CADM1: variants seen among roughly 807,000 people sequenced by gnomAD.
CADM1 encodes TSLC-1.
In CADM1, 15 loss-of-function variants were observed where a neutral mutation model predicts 53.1. The ratio of observed to expected loss-of-function variants is 0.28; its 90% CI spans 0.19 to 0.44. The LOEUF (loss-of-function observed/expected upper bound fraction) is 0.44. Ranked by LOEUF, CADM1 falls within the 20% of genes least tolerant of loss-of-function variation. The pLI is 1.00. For missense variants in CADM1, 434 were observed against 611.3 expected, an observed-to-expected ratio of 0.71 and a Z score of 3.06; for synonymous variants, 281 against 243.0, an observed-to-expected ratio of 1.16 and a Z score of -1.45.
intron 1 of CADM1, among the ~76,000 whole-genome samples, chr11:115,429,649 G>C (rs949231480): frequency 6.6e-6 from 1 of 151,524 alleles, no homozygotes; most frequent in Non-Finnish European, 1.5e-5. Flanking sequence ...ATCAAACATT[G>C]TTTTTCAAAG....
At chr11:115,337,657 AT>A (rs1032833962) in intron 1 of CADM1, among the ~76,000 whole-genome samples, 113 of 152,034 alleles carry the variant, frequency 7.4e-4, no homozygotes, top group African/African-American at 2.7e-3. Flanking sequence ...TTATACATAT[AT>A]TTTTTTCTTT....
chr11:115,356,558 C>T (rs2135078488), intron 1 of CADM1, among the ~76,000 whole-genome samples: 1 of 152,066 alleles, frequency 6.6e-6, no homozygotes, highest in Admixed American at 6.5e-5. Flanking sequence ...AATGACAGGT[C>T]TAATGAAATC....
intron 1 of CADM1, among the ~76,000 whole-genome samples, chr11:115,326,739 G>C (rs1295662349): frequency 4.6e-5 from 7 of 152,074 alleles, no homozygotes; most frequent in Admixed American, 1.3e-4. Flanking sequence ...GCATGCTTCT[G>C]CCTGCTAACA....
rs118046227 is a variant in CADM1, at chr11:115,254,169, C to T, written c.125-13749G>A. Among the ~76,000 whole-genome samples the T allele has an allele frequency of 4.9e-4, 74 of 152,098 alleles. No homozygotes were observed. In the East Asian group the frequency reaches 0.013, roughly 27 times the overall value. On this transcript the variant is annotated intron_variant, in intron 1 of 11. Coordinates refer to ENST00000331581, the MANE Select transcript of CADM1 (RefSeq NM_001301043.2). ...CACTATCTTAATCATCTTTGTATCT[C>T]GAAAGCATAATACAGTATTGGCTAA...
At chr11:115,195,086 C>G (rs921184581) in intron 9 of CADM1, among the ~76,000 whole-genome samples, 2 of 152,208 alleles carry the variant, frequency 1.3e-5, no homozygotes, top group Admixed American at 1.3e-4. Context: ...GCTCAAGATC[C>G]TTATTCAAAG....
intron 3 of CADM1, 109 bp downstream of exon 3, chr11:115,238,391 T>A (rs915962091): frequency 3.2e-6 from 4 of 1,231,264 alleles, no homozygotes; most frequent in South Asian, 2.4e-5. Flanking sequence ...CGGTGATTCT[T>A]CCTGAAACAA....
At chr11:115,428,065 A>C (rs1251251293) in intron 1 of CADM1, among the ~76,000 whole-genome samples, 1 of 151,994 alleles carries the variant, frequency 6.6e-6, no homozygotes. Flanking sequence ...ACAACTAAAG[A>C]AAATATGTCT....
intron 1 of CADM1, among the ~76,000 whole-genome samples, chr11:115,367,800 T>C (rs1946204017): frequency 6.6e-6 from 1 of 152,070 alleles, no homozygotes; most frequent in South Asian, 2.1e-4. Context: ...TCTCCAGAAG[T>C]AGATACTTTA....
At position 115,259,205 on chromosome 11, in the gene CADM1, C is replaced by T. The variant is rs184061898; in HGVS notation, c.125-18785G>A. 6.0e-4 allele frequency among the ~76,000 whole-genome samples: 90 copies of T among 150,606 alleles called. 2 individuals are homozygous for T. In the East Asian group the frequency reaches 0.012, roughly 21 times the overall value. On this transcript the variant is annotated intron_variant, in intron 1 of 11. Coordinates refer to ENST00000331581, the MANE Select transcript of CADM1 (RefSeq NM_001301043.2). Reference sequence around the variant, plus strand: ...TTCACAATGTTGGCCAGGCTGGTCTCGAACTCCTGGCCTCAAGTGATCTGC... The same window carrying T: ...TTCACAATGTTGGCCAGGCTGGTCTTGAACTCCTGGCCTCAAGTGATCTGC...
At chr11:115,403,162 A>G (rs1419970204) in intron 1 of CADM1, among the ~76,000 whole-genome samples, 1 of 152,210 alleles carries the variant, frequency 6.6e-6, no homozygotes, top group Non-Finnish European at 1.5e-5. Context: ...GACACAAATC[A>G]CATTCTTGCA....
chr11:115,350,296 A>T (rs1272472064), intron 1 of CADM1, among the ~76,000 whole-genome samples: 1 of 152,202 alleles, frequency 6.6e-6, no homozygotes, highest in Non-Finnish European at 1.5e-5. Context: ...AACATTAAAG[A>T]TGTATAGCCT....
intron 1 of CADM1, among the ~76,000 whole-genome samples, chr11:115,354,510 T>C (rs1212896872): frequency 1.3e-5 from 2 of 152,124 alleles, no homozygotes; most frequent in Admixed American, 1.3e-4. Context: ...TACTGAGCCT[T>C]GATGACGGAC....
chr11:115,247,480 T>C (rs1218083355), intron 1 of CADM1, among the ~76,000 whole-genome samples: 1 of 152,242 alleles, frequency 6.6e-6, no homozygotes. Flanking sequence ...CCATCCTTCA[T>C]CCACCCTTTG....
At chr11:115,447,658 C>T (rs1472366509) in intron 1 of CADM1, among the ~76,000 whole-genome samples, 4 of 152,212 alleles carry the variant, frequency 2.6e-5, no homozygotes, top group Non-Finnish European at 4.4e-5. Flanking sequence ...TTCCCCAGTG[C>T]CTGGATCCTG....
chr11:115,439,438 G>C (rs1457242614), intron 1 of CADM1, among the ~76,000 whole-genome samples: 5 of 152,174 alleles, frequency 3.3e-5, no homozygotes, highest in Non-Finnish European at 7.3e-5. Flanking sequence ...TTGCCTCCTA[G>C]TTCCTCTATC....
At chr11:115,185,065 G>A (rs1939481002) in intron 10 of CADM1, among the ~76,000 whole-genome samples, 2 of 152,194 alleles carry the variant, frequency 1.3e-5, no homozygotes, top group Admixed American at 6.5e-5. Flanking sequence ...GAGCCACTGA[G>A]TACAATTACG....
intron 1 of CADM1, among the ~76,000 whole-genome samples, chr11:115,426,030 C>T (rs561979877): frequency 6.6e-6 from 1 of 152,300 alleles, no homozygotes; most frequent in South Asian, 2.1e-4. Flanking sequence ...GGAACAGATG[C>T]AGCCCGACCT....
intron 1 of CADM1, among the ~76,000 whole-genome samples, chr11:115,392,499 A>G (rs1946861044): frequency 6.6e-6 from 1 of 152,184 alleles, no homozygotes; most frequent in Non-Finnish European, 1.5e-5. Context: ...ATACGTACAC[A>G]TTAAACATTG....
chr11:115,240,429 A>G lies in CADM1; in HGVS notation c.125-9T>C. ...CAGATTCTGCCCATCACCTTAAAAA[A>G]AGGGAAGAAAAGGTCAGAGGAAAAT... is the stretch of plus-strand genomic sequence containing the variant. On this transcript the variant is annotated splice_polypyrimidine_tract_variant and intron_variant, in intron 1 of 11. Transcript: ENST00000331581. 1 of 1,613,496 alleles carries G rather than the reference A, an allele frequency of 6.2e-7. No individual in the cohort carries two copies.
Sources: gnomAD v4.1 joint callset for allele counts (sites outside exome capture counted in the v4.1 genomes callset) on GRCh38, gnomAD v4.1.1 for gene constraint, MANE v1.5 for transcripts, NCBI Gene and HGNC (gene_info 2026-07-23, HGNC 2026-07-21) for gene names.